Variants in CAMK4 observed in about 807,000 individuals in gnomAD.
The protein encoded by CAMK4 is calcium/calmodulin-dependent protein kinase type IV.
Under a neutral mutation model 44.9 loss-of-function variants are expected in CAMK4, and 22 were observed. The observed-to-expected ratio is 0.49, with a 90% CI of 0.35 to 0.70. The LOEUF (loss-of-function observed/expected upper bound fraction) is 0.70, where lower values mean the gene tolerates loss of function less well. Ranked by LOEUF, CAMK4 falls within the 30% of genes least tolerant of loss-of-function variation. The pLI, the probability that CAMK4 is intolerant of heterozygous loss-of-function variation, is 0.01. For missense variants in CAMK4, 498 were observed against 586.8 expected, an observed-to-expected ratio of 0.85 and a Z score of 1.56; for synonymous variants, 218 against 215.4, an observed-to-expected ratio of 1.01 and a Z score of -0.11.
chr5:111,321,826 A>C (rs573666634), intron 1 of CAMK4, among the ~76,000 whole-genome samples: 1 of 152,302 alleles, frequency 6.6e-6, no homozygotes, highest in East Asian at 1.9e-4. Flanking sequence ...ACCAAAGGGA[A>C]ATTTCTTAAT....
Position 111,485,498 on chromosome 5 carries a change from A to G in CAMK4, c.*1032A>G, listed in dbSNP as rs1486764768. On this transcript the variant is annotated 3_prime_UTR_variant, in exon 11 of 11. Coordinates refer to ENST00000282356, the MANE Select transcript of CAMK4 (RefSeq NM_001744.6). ...GATTATTCATTATTGACTTTAATAG[A>G]GTAAGAAAACATTATTGTTTATCAA... 1 of 152,188 alleles carries G rather than the reference A, an allele frequency of 6.6e-6. No homozygotes were observed. Among genetic ancestry groups the G allele is most frequent in the African/African-American group, 2.4e-5 (1 of 41,474 alleles). 9.4% of individuals were successfully genotyped at this position (152,188 alleles called of 1,614,324 possible). A position where few individuals can be genotyped will look rare whatever the true frequency, so the allele number is the denominator to read the frequency against.
chr5:111,244,152 T>C (rs1580470834), intron 1 of CAMK4, among the ~76,000 whole-genome samples: 1 of 152,222 alleles, frequency 6.6e-6, no homozygotes, highest in African/African-American at 2.4e-5. Context: ...TTCCCAGCTA[T>C]TCCTCCTACA....
chr5:111,227,152 T>C (rs1748230664), intron 1 of CAMK4, among the ~76,000 whole-genome samples: 1 of 152,236 alleles, frequency 6.6e-6, no homozygotes, highest in Admixed American at 6.5e-5. Flanking sequence ...ATCAGAAATT[T>C]TTAAGTAAAT....
chr5:111,459,096 C>A (rs996844781), intron 7 of CAMK4, among the ~76,000 whole-genome samples: 5 of 152,124 alleles, frequency 3.3e-5, no homozygotes, highest in African/African-American at 1.2e-4. Flanking sequence ...GTGTTACCAG[C>A]ATATAGACGG....
chr5:111,407,726 C>A (rs909166103), intron 5 of CAMK4, among the ~76,000 whole-genome samples: 2 of 152,120 alleles, frequency 1.3e-5, no homozygotes, highest in African/African-American at 4.8e-5. Context: ...GGAATTCTGC[C>A]ACCCACAATG....
chr5:111,333,010 C>A (rs539462312), intron 1 of CAMK4, among the ~76,000 whole-genome samples: 5 of 151,612 alleles, frequency 3.3e-5, no homozygotes, highest in African/African-American at 7.3e-5. Flanking sequence ...ATATCAACAT[C>A]ATGTTCAGTG....
chr5:111,256,458 A>T (rs1373611036), intron 1 of CAMK4, among the ~76,000 whole-genome samples: 3 of 152,220 alleles, frequency 2.0e-5, no homozygotes, highest in Admixed American at 6.5e-5. Context: ...TTTTAATATT[A>T]CTATGATTAT....
rs1307754081 is a variant in CAMK4 at position 111,482,094 on chromosome 5, T to C, written c.829-691T>C. On this transcript the variant is annotated intron_variant, in intron 9 of 10. Transcript: ENST00000282356. The surrounding 1 kb of genome is among the most constrained non-coding windows in gnomAD (Gnocchi z 4.9). ...AAGCCCAGGACTGTGGATTATTTTA[T>C]TTGCTGACCTTCCTGGGAATTTATT... 6.6e-6 allele frequency: 1 copy of C among 152,136 alleles called. No homozygotes were observed. Among genetic ancestry groups the C allele is most frequent in the African/African-American group, 2.4e-5 (1 of 41,414 alleles). 9.4% of individuals were successfully genotyped at this position (152,136 alleles called of 1,614,324 possible).
intron 1 of CAMK4, among the ~76,000 whole-genome samples, chr5:111,231,620 AATGTTTCT>A (rs1426402312): frequency 5.9e-5 from 9 of 152,146 alleles, no homozygotes; most frequent in African/African-American, 2.2e-4. Flanking sequence ...GCTACAACCA[AATGTTTCT>A]CCCATTTCTA....
intron 5 of CAMK4, among the ~76,000 whole-genome samples, chr5:111,395,819 G>C (rs545165786): frequency 6.6e-6 from 1 of 152,210 alleles, no homozygotes; most frequent in South Asian, 2.1e-4. Flanking sequence ...TATTGAATAT[G>C]AAACCAGAAC....
intron 1 of CAMK4, among the ~76,000 whole-genome samples, chr5:111,255,488 G>C (rs1040912394): frequency 6.6e-6 from 1 of 152,168 alleles, no homozygotes; most frequent in Non-Finnish European, 1.5e-5. Flanking sequence ...TTACCGAACT[G>C]TTTATCTTTG....
chr5:111,328,965 T>C (rs1193948104), intron 1 of CAMK4, among the ~76,000 whole-genome samples: 2 of 151,874 alleles, frequency 1.3e-5, no homozygotes, highest in Non-Finnish European at 2.9e-5. Flanking sequence ...TGAACATCGA[T>C]GCAAAATTCC....
intron 1 of CAMK4, among the ~76,000 whole-genome samples, chr5:111,274,751 CT>C (rs1056498480): frequency 6.6e-6 from 1 of 151,956 alleles, no homozygotes; most frequent in African/African-American, 2.4e-5. Flanking sequence ...TGTGAAATAA[CT>C]TTTTTAATGT....
chr5:111,376,016 G>A (rs968513014), intron 3 of CAMK4, among the ~76,000 whole-genome samples: 1 of 152,016 alleles, frequency 6.6e-6, no homozygotes, highest in Non-Finnish European at 1.5e-5. Flanking sequence ...CTGCATGGGG[G>A]CTGTGAAATT....
In CAMK4 at chr5:111,350,063, C is replaced by T. The variant is rs1005586274; in HGVS notation, c.240+5961C>T. ...TGATGTTGTGGTCTGTGGTGCCAGA[C>T]AGACTGAGTTTAGGATTACTTCTGC... On this transcript the variant is annotated intron_variant, in intron 2 of 10. Coordinates refer to ENST00000282356, the MANE Select transcript of CAMK4 (RefSeq NM_001744.6). Among the ~76,000 whole-genome samples the T allele has an allele frequency of 3.3e-5, 5 of 152,138 alleles. No homozygotes were observed. The East Asian group carries it at 7.8e-4, about 24-fold the overall frequency.
intron 2 of CAMK4, among the ~76,000 whole-genome samples, chr5:111,367,291 CCACTCCCATCATAACTATCT>C (rs1750827744): frequency 6.6e-6 from 1 of 151,682 alleles, no homozygotes; most frequent in Non-Finnish European, 1.5e-5. Flanking sequence ...TCATCAAGAG[CCACTCCCATCATAACTATCT>C]CACTCCCAGG....
chr5:111,262,725 T>C (rs1442677599), intron 1 of CAMK4, among the ~76,000 whole-genome samples: 2 of 152,204 alleles, frequency 1.3e-5, no homozygotes, highest in Non-Finnish European at 2.9e-5. Flanking sequence ...GCAGTTGTTA[T>C]TATTAAGGAA....
At position 111,339,736 on chromosome 5, in the gene CAMK4, G is replaced by A. The variant is rs575177444; in HGVS notation, c.162-4288G>A. On this transcript the variant is annotated intron_variant, in intron 1 of 10. Transcript: ENST00000282356. ...TCTTTTGTGATTCCACAGGAATTTCGGAATTTTTTTTTACTTGTGTGAACA... is the reference window on the plus strand; with the variant it reads ...TCTTTTGTGATTCCACAGGAATTTCAGAATTTTTTTTTACTTGTGTGAACA... Among the ~76,000 whole-genome samples, 42 of 151,116 alleles carry A rather than the reference G, an allele frequency of 2.8e-4. No individual in the cohort carries two copies. The South Asian group carries it at 7.3e-3, about 26-fold the overall frequency.
chr5:111,282,786 C>A (rs754370269), intron 1 of CAMK4: 1 of 152,106 alleles, frequency 6.6e-6, no homozygotes, highest in Non-Finnish European at 1.5e-5. Flanking sequence ...CCCAATAAAC[C>A]CATCACAAAT....
Sources: gnomAD v4.1 joint callset for allele counts (sites outside exome capture counted in the v4.1 genomes callset) on GRCh38, gnomAD v4.1.1 for gene constraint, Gnocchi (gnomAD v3.1) non-coding constraint, MANE v1.5 for transcripts, NCBI Gene and HGNC (gene_info 2026-07-23, HGNC 2026-07-21) for gene names.